MDN1: variants seen among roughly 807,000 people sequenced by gnomAD.
The protein encoded by MDN1 is midasin AAA ATPase 1.
In MDN1, 266 loss-of-function variants were observed where a neutral mutation model predicts 669.2. The observed-to-expected ratio is 0.40, with a 90% confidence interval of 0.36 to 0.44. MDN1 has a LOEUF of 0.44. Among genes scored for constraint, MDN1 ranks in the 20% least tolerant of loss-of-function variants. The probability of loss-of-function intolerance (pLI) is 1.00; values close to 1 mark genes in which losing one functional copy is unlikely to be tolerated. For synonymous variants in MDN1, 2,385 were observed against 2,457.1 expected (o/e 0.97, Z 0.87); for missense variants, 5,940 against 6,754.0 (o/e 0.88, Z 4.22).
chr6:89,794,828 C>T (rs1819492789), intron 2 of MDN1, 27 bp from the exon 3 acceptor site: 1 of 1,584,136 alleles, frequency 6.3e-7, no homozygotes, highest in Admixed American at 1.7e-5. Context: ...TACAGACATC[C>T]CCAACTTAAC....
intron 53 of MDN1, among the ~76,000 whole-genome samples, chr6:89,703,331 C>CA (rs1306577279): frequency 1.5e-5 from 2 of 136,416 alleles, no homozygotes; most frequent in Admixed American, 7.9e-5. Context: ...GCATATTTAA[C>CA]AAAAAACAAA....
chr6:89,792,326 C>G (rs1819313215), intron 5 of MDN1, among the ~76,000 whole-genome samples: 1 of 152,078 alleles, frequency 6.6e-6, no homozygotes, highest in African/African-American at 2.4e-5. Flanking sequence ...CTTGAACTTT[C>G]CTCAGGGTTG....
At chr6:89,676,039 C>G (rs1051644875) in intron 77 of MDN1, 63 bp downstream of exon 77, 2 of 1,491,786 alleles carry the variant, frequency 1.3e-6, no homozygotes, top group African/African-American at 1.4e-5. Flanking sequence ...GAATACAGCC[C>G]TGGGATGAAC....
intron 59 of MDN1, 119 bp from the exon 60 acceptor site, chr6:89,696,693 C>T (rs1812771278): frequency 1.4e-6 from 1 of 695,640 alleles, no homozygotes; most frequent in South Asian, 1.8e-5. Flanking sequence ...AGGTAAGCAT[C>T]ACTCAGAGAC....
In MDN1 at chr6:89,780,901, G is replaced by A. The variant is rs565388749; in HGVS notation, c.1643+498C>T. ...CCTGATCTCATGATCCGCCCACCTC[G>A]GCCTCCCAAAGTGCTGGGATTACAG... On this transcript the variant is annotated intron_variant, in intron 10 of 101. Transcript: ENST00000369393. Among the ~76,000 whole-genome samples, 519 of 151,106 alleles carry A rather than the reference G, an allele frequency of 3.4e-3. 2 individuals carry two copies. Among genetic ancestry groups the A allele is most frequent in the African/African-American group, 0.012 (488 of 41,202 alleles).
rs1346272815 is a variant in MDN1 at position 89,712,880 on chromosome 6, CACA to C, written c.7219-97_7219-95del. 5.2e-6 allele frequency: 6 copies of C among 1,146,964 alleles called. No individual in the cohort carries two copies. In the East Asian group the frequency reaches 1.0e-4, roughly 19 times the overall value. 71.0% of individuals were successfully genotyped at this position (1,146,964 alleles called of 1,614,324 possible). ...GTAATAATAGTCCATGCGACCACCT[CACA>C]ACAACTTTTAATACACTCTTCAATG... On this transcript the variant is annotated intron_variant, in intron 47 of 101. Transcript: ENST00000369393.
chr6:89,800,415 G>A (rs1040195838), intron 2 of MDN1, among the ~76,000 whole-genome samples: 3 of 151,838 alleles, frequency 2.0e-5, no homozygotes, highest in Non-Finnish European at 2.9e-5. Context: ...CAACAACAGC[G>A]AAACTCCATC....
chr6:89,716,207 T>C (rs1814359551), intron 44 of MDN1, among the ~76,000 whole-genome samples: 2 of 152,218 alleles, frequency 1.3e-5, no homozygotes, highest in African/African-American at 4.8e-5. Flanking sequence ...TACAATAGTT[T>C]CACACTTGTC....
chr6:89,776,087 T>C lies in MDN1; in HGVS notation c.1821+513A>G, dbSNP rs151008719. Among the ~76,000 whole-genome samples the C allele has an allele frequency of 7.7e-3, 1,172 of 152,320 alleles. 26 individuals are homozygous for C. The highest frequency in any genetic ancestry group is 0.027 in the African/African-American group (1,114 of 41,564). On this transcript the variant is annotated intron_variant, in intron 12 of 101. Coordinates refer to ENST00000369393, the MANE Select transcript of MDN1 (RefSeq NM_014611.3). ...TATTACTAAAACATAGTTACATTCC[T>C]GAGTCTAATGCCTACAAAATAAAAT...
rs766512539 is a variant in MDN1 at position 89,730,843 on chromosome 6, T to C, written c.5023A>G (p.Ile1675Val). The C allele has an allele frequency of 1.2e-6, 2 of 1,614,112 alleles. No homozygotes were observed. Among genetic ancestry groups the C allele is most frequent in the South Asian group, 1.1e-5 (1 of 91,080 alleles). Reference sequence around the variant, plus strand: ...TTCTGATATTCTGTAAGTCGTACTATCTTGGCAAGCCTCTTGATTAGAAAT... The same window carrying C: ...TTCTGATATTCTGTAAGTCGTACTACCTTGGCAAGCCTCTTGATTAGAAAT... ...LKFLIKRLAK[I>V]VRLTEYQKNE... Residue 1675 changes from isoleucine to valine, a missense_variant, in exon 35 of 102, where the codon ATA becomes GTA. Physicochemically the swap from Ile to Val is conservative, Grantham distance 29. This residue lies in a region of MDN1 where 2,292 missense variants were observed against 2,638.3 expected (regional missense o/e 0.87). Transcript: ENST00000369393.
At position 89,707,645 on chromosome 6, in the gene MDN1, T is replaced by C. The variant is rs532037447; in HGVS notation, c.7899-169A>G. 2.0e-5 allele frequency among the ~76,000 whole-genome samples: 3 copies of C among 152,270 alleles called. No homozygotes were observed. The East Asian group carries it at 5.8e-4, about 29-fold the overall frequency. The stretch of plus-strand genomic sequence containing the variant: ...AGATGGAGATGAAAGTGACAACTAC[T>C]AAGGTGAAAGGAAAGATCGATGGAT... On this transcript the variant is annotated intron_variant, in intron 51 of 101. Coordinates refer to ENST00000369393, the MANE Select transcript of MDN1 (RefSeq NM_014611.3).
At chr6:89,815,026 G>A in intron 1 of MDN1, 1 of 575,940 alleles carries the variant, frequency 1.7e-6, no homozygotes, top group Non-Finnish European at 3.0e-6. Context: ...CCAGGTGAAG[G>A]CCAGGAGGAG....
At chr6:89,673,062 A>C (rs1810936158) in intron 80 of MDN1, among the ~76,000 whole-genome samples, 174 bp downstream of exon 80, 1 of 152,134 alleles carries the variant, frequency 6.6e-6, no homozygotes, top group South Asian at 2.1e-4. Context: ...CATCCAAACA[A>C]ATGGGGCAAA....
intron 21 of MDN1, 146 bp downstream of exon 21, chr6:89,753,937 A>G: frequency 1.5e-6 from 1 of 645,886 alleles, no homozygotes; most frequent in Non-Finnish European, 2.3e-6. Context: ...TTAATTTAAA[A>G]GGGCAAGGTA....
At chr6:89,746,164 T>C (rs547792670) in intron 27 of MDN1, among the ~76,000 whole-genome samples, 1 of 152,288 alleles carries the variant, frequency 6.6e-6, no homozygotes, top group East Asian at 1.9e-4. Flanking sequence ...AGTCAATTAG[T>C]AGTGACAGTA....
chr6:89,679,235 G>T (rs1304148485), intron 74 of MDN1, among the ~76,000 whole-genome samples: 1 of 152,170 alleles, frequency 6.6e-6, no homozygotes, highest in Non-Finnish European at 1.5e-5. Context: ...CAGACTTCAA[G>T]AAAGGCTCAG....
intron 87 of MDN1, among the ~76,000 whole-genome samples, chr6:89,661,883 A>G (rs575696508): frequency 1.3e-5 from 2 of 152,226 alleles, no homozygotes; most frequent in African/African-American, 4.8e-5. Context: ...ATGAGCCCAG[A>G]CAACATGTGG....
At chr6:89,722,118 G>A (rs1814869786) in intron 40 of MDN1, among the ~76,000 whole-genome samples, 1 of 152,258 alleles carries the variant, frequency 6.6e-6, no homozygotes, top group Admixed American at 6.5e-5. Context: ...AGCATTCAGC[G>A]AGACAGGATT....
In MDN1 at chr6:89,712,733, G is replaced by A. The variant is rs776658715; in HGVS notation, c.7272C>T (p.Thr2424=). 16 of 1,614,000 alleles carry A rather than the reference G, an allele frequency of 9.9e-6. No individual in the cohort carries two copies. In the African/African-American group the frequency reaches 1.5e-4, roughly 15 times the overall value. ...KHVSSLRAHE[T]WGDSILGMGL... Reference sequence around the variant, plus strand: ...CCATGCCAAGAATGGAGTCTCCCCAGGTTTCATGTGCTCGCAAAGAAGAAA... The same window carrying A: ...CCATGCCAAGAATGGAGTCTCCCCAAGTTTCATGTGCTCGCAAAGAAGAAA... The change falls in exon 48 of 102, where the codon ACC becomes ACT. Residue 2424 remains threonine, a synonymous_variant. Coordinates refer to ENST00000369393, the MANE Select transcript of MDN1 (RefSeq NM_014611.3).
Sources: allele counts gnomAD v4.1 joint callset (sites outside exome capture counted in the v4.1 genomes callset), GRCh38; gene constraint gnomAD v4.1.1; regional missense constraint gnomAD v4.1.1; transcripts MANE v1.5; gene names NCBI Gene and HGNC (gene_info 2026-07-23, HGNC 2026-07-21).